SOX5: variants seen among roughly 807,000 people sequenced by gnomAD.
SOX5 encodes transcription factor SOX-5.
A neutral mutation model predicts 92.0 loss-of-function variants in SOX5; 9 were observed. That is an observed-to-expected ratio of 0.10 (90% CI 0.06 to 0.17). The LOEUF (loss-of-function observed/expected upper bound fraction) is 0.17. Ranked by LOEUF, SOX5 falls within the 10% of genes least tolerant of loss-of-function variation. The probability of loss-of-function intolerance (pLI) is 1.00; values close to 1 mark genes in which losing one functional copy is unlikely to be tolerated. For synonymous variants in SOX5, 344 were observed against 336.3 expected (o/e 1.02, Z -0.25); for missense variants, 642 against 944.5 (o/e 0.68, Z 4.20).
chr12:24,516,129 A>G (rs1445503438), intron 1 of SOX5, among the ~76,000 whole-genome samples: 1 of 151,528 alleles, frequency 6.6e-6, no homozygotes, highest in Non-Finnish European at 1.5e-5. Flanking sequence ...TGCAGCCTCA[A>G]CCTTCCGGGC....
intron 1 of SOX5, among the ~76,000 whole-genome samples, chr12:24,424,866 C>T (rs995162785): frequency 1.3e-4 from 18 of 140,594 alleles, no homozygotes; most frequent in African/African-American, 4.6e-4. Flanking sequence ...CACACACATA[C>T]AAAAAAATCC....
At chr12:24,350,971 T>G (rs1954008133) in intron 2 of SOX5, among the ~76,000 whole-genome samples, 1 of 152,064 alleles carries the variant, frequency 6.6e-6, no homozygotes, top group Non-Finnish European at 1.5e-5. Flanking sequence ...GCATGAGAAT[T>G]GCCTCGAGCC....
At position 23,724,094 on chromosome 12, in the gene SOX5, T is replaced by TA. The variant is rs1241758935; in HGVS notation, c.810+10589dup. 3.3e-5 allele frequency among the ~76,000 whole-genome samples: 5 copies of TA among 152,128 alleles called. No homozygotes were observed. In the East Asian group the frequency reaches 7.7e-4, roughly 23 times the overall value. On this transcript the variant is annotated intron_variant, in intron 6 of 14. Coordinates refer to ENST00000451604, the MANE Select transcript of SOX5 (RefSeq NM_006940.6). The stretch of plus-strand genomic sequence containing the variant: ...GCAGAAAGCGGAAATAAATTACTTT[T>TA]AAAAAAATATCCTGCCACATTTGCC...
chr12:24,045,011 G>A (rs1350189370), intron 4 of SOX5, among the ~76,000 whole-genome samples: 1 of 152,170 alleles, frequency 6.6e-6, no homozygotes, highest in African/African-American at 2.4e-5. Flanking sequence ...GAAACAAAGA[G>A]TGGGTTCCAA....
intron 2 of SOX5, among the ~76,000 whole-genome samples, chr12:24,296,639 A>G (rs1947279633): frequency 6.6e-6 from 1 of 152,172 alleles, no homozygotes; most frequent in Non-Finnish European, 1.5e-5. Context: ...CTCGCTGAGA[A>G]TTCTGATAAT....
intron 4 of SOX5, among the ~76,000 whole-genome samples, chr12:23,743,286 G>A (rs2093863699): frequency 6.6e-6 from 1 of 151,876 alleles, no homozygotes; most frequent in Admixed American, 6.6e-5. Context: ...CTAAGTGGTG[G>A]AATTATAGGT....
At chr12:24,150,577 C>T (rs1017198182) in intron 4 of SOX5, among the ~76,000 whole-genome samples, 1 of 151,844 alleles carries the variant, frequency 6.6e-6, no homozygotes, top group Non-Finnish European at 1.5e-5. Context: ...GGTAAAACGC[C>T]CAACAGAACC....
At chr12:24,174,015 T>TC (rs1565587783) in intron 4 of SOX5, among the ~76,000 whole-genome samples, 2 of 151,864 alleles carry the variant, frequency 1.3e-5, no homozygotes, top group African/African-American at 4.8e-5. Flanking sequence ...GTTTTTTTTT[T>TC]CTGAGACAGT....
chr12:24,442,948 ATTTTT>A lies in SOX5; in HGVS notation c.-250-74314_-250-74310del, dbSNP rs3983413. ...TGAGCTTTGTAAATTTAAGTTTATA[ATTTTT>A]TTTTTTTTTTTTTTTTTGAGATGGA... On this transcript the variant is annotated intron_variant, in intron 1 of 4. Coordinates refer to the SOX5 transcript ENST00000446891. Among the ~76,000 whole-genome samples the A allele has an allele frequency of 6.0e-3, 659 of 109,944 alleles. 10 individuals carry two copies. In the East Asian group the frequency reaches 0.065, roughly 11 times the overall value. The allele number at this position is 109,944 out of a possible 152,430, so 72.1% of individuals were successfully genotyped here. A position where few individuals can be genotyped will look rare whatever the true frequency, so the allele number is the denominator to read the frequency against.
At chr12:24,398,378 C>T (rs532365214) in intron 1 of SOX5, among the ~76,000 whole-genome samples, 1 of 152,162 alleles carries the variant, frequency 6.6e-6, no homozygotes, top group South Asian at 2.1e-4. Context: ...GTGGTGTGTG[C>T]CTGTGGTCCC....
chr12:23,786,647 T>C (rs1198019281), intron 3 of SOX5, among the ~76,000 whole-genome samples: 1 of 110,504 alleles, frequency 9.0e-6, no homozygotes, highest in Non-Finnish European at 2.1e-5. Flanking sequence ...GAAGAAATTG[T>C]AACAATAGCG....
chr12:23,869,951 T>G (rs2096855770), intron 2 of SOX5, among the ~76,000 whole-genome samples: 1 of 152,156 alleles, frequency 6.6e-6, no homozygotes, highest in African/African-American at 2.4e-5. Context: ...AAAATGTGCT[T>G]TTCTCATGTT....
chr12:24,004,284 T>C (rs1273871715), intron 4 of SOX5, among the ~76,000 whole-genome samples: 1 of 116,248 alleles, frequency 8.6e-6, no homozygotes, highest in Non-Finnish European at 1.8e-5. Context: ...CTGAATTATA[T>C]CAAAATTAAA....
intron 3 of SOX5, among the ~76,000 whole-genome samples, chr12:23,814,487 G>C (rs1233952085): frequency 1.3e-5 from 2 of 152,150 alleles, no homozygotes; most frequent in Non-Finnish European, 2.9e-5. Flanking sequence ...AAACTGAAAA[G>C]TTCCCTTGAA....
At chr12:23,839,953 C>A (rs968633139) in intron 3 of SOX5, among the ~76,000 whole-genome samples, 1 of 145,890 alleles carries the variant, frequency 6.9e-6, no homozygotes, top group Non-Finnish European at 1.5e-5. Context: ...CTTACTTACT[C>A]AGCATTGTAC....
At chr12:24,454,931 CTTCTT>C (rs1293466505) in intron 1 of SOX5, among the ~76,000 whole-genome samples, 1 of 152,058 alleles carries the variant, frequency 6.6e-6, no homozygotes, top group African/African-American at 2.4e-5. Context: ...TTCACTCTCT[CTTCTT>C]AGAAAAAAAG....
At chr12:23,989,551 C>T (rs1950368413) in intron 4 of SOX5, among the ~76,000 whole-genome samples, 2 of 152,196 alleles carry the variant, frequency 1.3e-5, no homozygotes, top group South Asian at 4.2e-4. Context: ...TCTGTATCCT[C>T]CCAAAATTCA....
chr12:24,257,129 T>C (rs1355648943), intron 3 of SOX5, among the ~76,000 whole-genome samples: 1 of 152,210 alleles, frequency 6.6e-6, no homozygotes, highest in African/African-American at 2.4e-5. Context: ...ACCTAATAAA[T>C]GGAACCATGT....
chr12:24,434,883 G>A (rs1226606191), intron 1 of SOX5, among the ~76,000 whole-genome samples: 1 of 152,162 alleles, frequency 6.6e-6, no homozygotes, highest in Non-Finnish European at 1.5e-5. Context: ...CCTGTCTTGG[G>A]TATTTCTTTA....
Sources: allele counts gnomAD v4.1 joint callset (sites outside exome capture counted in the v4.1 genomes callset), GRCh38; gene constraint gnomAD v4.1.1; transcripts MANE v1.5; gene names NCBI Gene and HGNC (gene_info 2026-07-23, HGNC 2026-07-21).